MYO9A: variants seen among roughly 807,000 people sequenced by gnomAD.
MYO9A encodes unconventional myosin-IXa.
In MYO9A, 103 loss-of-function variants were observed where a neutral mutation model predicts 293.3. The observed-to-expected ratio is 0.35, with a 90% CI of 0.30 to 0.41. The LOEUF is 0.41. MYO9A is among the 10% of genes least tolerant of loss of function. The pLI, the probability that MYO9A is intolerant of heterozygous loss-of-function variation, is 1.00. For synonymous variants in MYO9A, 1,001 were observed against 1,035.7 expected, an observed-to-expected ratio of 0.97 and a Z score of 0.64; for missense variants, 2,685 against 3,033.0, an observed-to-expected ratio of 0.89 and a Z score of 2.69.
chr15:71,832,291 T>TA (rs2054760005), intron 39 of MYO9A, among the ~76,000 whole-genome samples: 1 of 151,972 alleles, frequency 6.6e-6, no homozygotes, highest in African/African-American at 2.4e-5. Flanking sequence ...ATAGAATAAA[T>TA]ATTGAAGAGA....
chr15:71,829,756 C>A (rs1392667383), intron 40 of MYO9A, among the ~76,000 whole-genome samples: 1 of 152,116 alleles, frequency 6.6e-6, no homozygotes, highest in Non-Finnish European at 1.5e-5. Flanking sequence ...GGTCTCCGAC[C>A]TGTTAGGACT....
chr15:71,988,913 G>A (rs562593506), intron 11 of MYO9A, among the ~76,000 whole-genome samples: 2 of 151,802 alleles, frequency 1.3e-5, no homozygotes, highest in East Asian at 1.9e-4. Context: ...TCTTTTTTTT[G>A]AGATAGAGTC....
At chr15:71,926,801 C>A (rs1031440069) in intron 18 of MYO9A, among the ~76,000 whole-genome samples, 7 of 152,204 alleles carry the variant, frequency 4.6e-5, no homozygotes, top group Admixed American at 1.3e-4. Flanking sequence ...GCAGAGCTAC[C>A]AGACAGCCTG....
chr15:71,888,877 G>A (rs1167132980), intron 26 of MYO9A, among the ~76,000 whole-genome samples: 1 of 152,186 alleles, frequency 6.6e-6, no homozygotes, highest in Non-Finnish European at 1.5e-5. Flanking sequence ...TGGCAAAGAT[G>A]AAGTAATAGG....
At chr15:72,022,938 G>A (rs552384139) in intron 4 of MYO9A, among the ~76,000 whole-genome samples, 2 of 152,176 alleles carry the variant, frequency 1.3e-5, no homozygotes, top group Admixed American at 1.3e-4. Flanking sequence ...AGTAGAAAAA[G>A]TATTAATTAA....
chr15:71,980,384 TTGTC>T (rs1356549215), intron 11 of MYO9A, among the ~76,000 whole-genome samples: 2 of 152,204 alleles, frequency 1.3e-5, no homozygotes, highest in African/African-American at 4.8e-5. Flanking sequence ...AATACTCGTA[TTGTC>T]TGTCTTTTTC....
intron 28 of MYO9A, among the ~76,000 whole-genome samples, chr15:71,881,527 A>T (rs537269566): frequency 1.3e-5 from 2 of 152,204 alleles, no homozygotes; most frequent in Admixed American, 6.5e-5. Flanking sequence ...ATTCAAACAT[A>T]TATCAACTGA....
At chr15:72,073,404 G>A (rs1016100360) in intron 1 of MYO9A, among the ~76,000 whole-genome samples, 4 of 152,214 alleles carry the variant, frequency 2.6e-5, no homozygotes, top group South Asian at 2.1e-4. Context: ...TCTTGCAACA[G>A]CCATTGTATC....
chr15:71,906,640 G>A (rs146698442), intron 19 of MYO9A, among the ~76,000 whole-genome samples: 1,791 of 150,132 alleles, frequency 0.012, 57 homozygotes, highest in Admixed American at 0.058. Context: ...GTTTTTGTTC[G>A]CATGGTTTAT....
chr15:71,956,859 AAAT>A (rs752097863), intron 14 of MYO9A, among the ~76,000 whole-genome samples: 1,866 of 89,188 alleles, frequency 0.021, 41 homozygotes, highest in Admixed American at 0.089. Flanking sequence ...ACACACACAC[AAAT>A]ATATATATAT....
At chr15:72,040,936 A>G (rs2078208839) in intron 2 of MYO9A, among the ~76,000 whole-genome samples, 1 of 152,228 alleles carries the variant, frequency 6.6e-6, no homozygotes, top group South Asian at 2.1e-4. Flanking sequence ...TTAGAAAAGA[A>G]TGATCTAAAA....
At chr15:72,097,381 T>G (rs1267922917) in intron 1 of MYO9A, among the ~76,000 whole-genome samples, 1 of 152,348 alleles carries the variant, frequency 6.6e-6, no homozygotes, top group Admixed American at 6.5e-5. Context: ...CGATGACCGT[T>G]AGCATTTTTT....
At chr15:72,040,839 TA>T (rs1391857361) in intron 2 of MYO9A, among the ~76,000 whole-genome samples, 1 of 151,988 alleles carries the variant, frequency 6.6e-6, no homozygotes, top group Non-Finnish European at 1.5e-5. Context: ...TTAAACTAAA[TA>T]AAAATGAAAA....
intron 2 of MYO9A, among the ~76,000 whole-genome samples, chr15:72,039,063 G>C (rs2078148512): frequency 6.6e-6 from 1 of 152,080 alleles, no homozygotes; most frequent in African/African-American, 2.4e-5. Context: ...ACAATGTGCA[G>C]TGGGCCAAAG....
At chr15:71,867,798 TCACA>T (rs57300333) in intron 32 of MYO9A, among the ~76,000 whole-genome samples, 19,160 of 127,216 alleles carry the variant, frequency 0.15, 1,703 homozygotes, top group Non-Finnish European at 0.2. Context: ...TGGGAATCCA[TCACA>T]CACACACACA....
intron 18 of MYO9A, among the ~76,000 whole-genome samples, chr15:71,925,230 TACACATATATATACATATACGTATAC>T (rs1596205772): frequency 6.8e-6 from 1 of 146,410 alleles, no homozygotes; most frequent in Non-Finnish European, 1.5e-5. Flanking sequence ...TACACATATA[TACACATATATATACATATACGTATAC>T]ACATATATAC....
chr15:72,085,137 G>A (rs972453071), intron 1 of MYO9A, among the ~76,000 whole-genome samples: 2 of 152,186 alleles, frequency 1.3e-5, no homozygotes, highest in East Asian at 1.9e-4. Flanking sequence ...GCTCACGCCT[G>A]TAGTCCCAGC....
chr15:71,978,318 C>A, intron 11 of MYO9A, 26 bp from the exon 12 acceptor site: 1 of 1,573,490 alleles, frequency 6.4e-7, no homozygotes, highest in Non-Finnish European at 8.6e-7. Context: ...AATAAAATAA[C>A]AATTTATTCA....
intron 5 of MYO9A, among the ~76,000 whole-genome samples, chr15:72,019,439 C>T (rs2077436217): frequency 6.6e-6 from 1 of 152,200 alleles, no homozygotes; most frequent in South Asian, 2.1e-4. Flanking sequence ...TAACAACTAT[C>T]AGCTCATTTA....
Sources: allele counts gnomAD v4.1 joint callset (sites outside exome capture counted in the v4.1 genomes callset), GRCh38; gene constraint gnomAD v4.1.1; transcripts MANE v1.5; gene names NCBI Gene and HGNC (gene_info 2026-07-23, HGNC 2026-07-21).